BST1: variants seen among roughly 807,000 people sequenced by gnomAD.
BST1 encodes bone marrow stromal cell antigen 1, also known as ADP-ribosyl cyclase/cyclic ADP-ribose hydrolase 2.
A neutral mutation model predicts 40.6 loss-of-function variants in BST1; 49 were observed. That is an observed-to-expected ratio of 1.21 (90% CI 0.96 to 1.53). The LOEUF (loss-of-function observed/expected upper bound fraction) is 1.53. Among genes scored for constraint, BST1 ranks in the 40% most tolerant of loss-of-function variants. The probability of loss-of-function intolerance (pLI) is 0.00; values close to 1 mark genes in which losing one functional copy is unlikely to be tolerated. For synonymous variants in BST1, 157 were observed against 159.3 expected, an observed-to-expected ratio of 0.99 and a Z score of 0.11; for missense variants, 423 against 395.9, an observed-to-expected ratio of 1.07 and a Z score of -0.58.
chr4:15,731,995 A>G lies in BST1; in HGVS notation c.*150A>G. 3 of 1,377,310 alleles carry G rather than the reference A, an allele frequency of 2.2e-6. No individual in the cohort carries two copies. The highest frequency in any genetic ancestry group is 2.8e-6 in the Non-Finnish European group (3 of 1,062,434). The allele number at this position is 1,377,310 out of a possible 1,614,324, so 85.3% of individuals were successfully genotyped here. On this transcript the variant is annotated 3_prime_UTR_variant, in exon 9 of 9. Transcript: ENST00000265016. Reference sequence around the variant, plus strand: ...CCTGAAAATGGTATTTCAATGAGGCATATGTTCAGGATTTCAGAAACAAGA... The same window carrying G: ...CCTGAAAATGGTATTTCAATGAGGCGTATGTTCAGGATTTCAGAAACAAGA...
chr4:15,741,543 G>T (rs1721742641), downstream of BST1, among the ~76,000 whole-genome samples: 1 of 152,156 alleles, frequency 6.6e-6, no homozygotes, highest in African/African-American at 2.4e-5. Flanking sequence ...CTAATTCACA[G>T]CCTTATTGAG....
the BST1 span, among the ~76,000 whole-genome samples, chr4:15,751,886 C>T: frequency 6.6e-6 from 1 of 152,174 alleles, no homozygotes; most frequent in Non-Finnish European, 1.5e-5. Flanking sequence ...TCCAGCACTT[C>T]TCCTTTGTGT....
At chr4:15,729,380 C>T (rs144413408) in intron 8 of BST1, among the ~76,000 whole-genome samples, 177 of 152,204 alleles carry the variant, frequency 1.2e-3, no homozygotes, top group Admixed American at 3.1e-3. Context: ...TCTCTAAACC[C>T]GGGAAGGTCA....
intron 8 of BST1, chr4:15,723,568 C>A: frequency 1.0e-6 from 1 of 985,396 alleles, no homozygotes; most frequent in Non-Finnish European, 1.2e-6. Flanking sequence ...TTTATGTAAT[C>A]CTTTCTGAGT....
At chr4:15,707,080 T>G (rs1428279546) in intron 2 of BST1, among the ~76,000 whole-genome samples, 1 of 152,220 alleles carries the variant, frequency 6.6e-6, no homozygotes, top group African/African-American at 2.4e-5. Flanking sequence ...TGACTGCTTA[T>G]TATCCTGGCC....
the BST1 span, among the ~76,000 whole-genome samples, chr4:15,767,907 C>T: frequency 2.0e-5 from 3 of 152,178 alleles, no homozygotes; most frequent in Non-Finnish European, 4.4e-5. Flanking sequence ...AGGCATAAGC[C>T]ACCATGCTCA....
At chr4:15,740,338 T>C (rs28694525), downstream of BST1, among the ~76,000 whole-genome samples, 5,478 of 152,270 alleles carry the variant, frequency 0.036, 301 homozygotes, top group African/African-American at 0.12. Context: ...ATTATAGGCA[T>C]GAGCCACCAT....
At chr4:15,757,634 TTTTATTTA>T in the BST1 span, among the ~76,000 whole-genome samples, 8 of 152,108 alleles carry the variant, frequency 5.3e-5, no homozygotes, top group South Asian at 6.2e-4. Flanking sequence ...CTTTTAAAAA[TTTTATTTA>T]TTTATTTATT....
chr4:15,731,049 C>G, intron 8 of BST1: 1 of 534,462 alleles, frequency 1.9e-6, no homozygotes. Flanking sequence ...TTTTCTTGAG[C>G]AATGTCACCA....
the BST1 span, among the ~76,000 whole-genome samples, chr4:15,766,618 G>A: frequency 1.3e-5 from 2 of 151,694 alleles, no homozygotes; most frequent in African/African-American, 4.9e-5. Flanking sequence ...TCATGCAGCT[G>A]TCTTACATGA....
At chr4:15,716,560 G>A (rs756337524) in intron 6 of BST1, among the ~76,000 whole-genome samples, 12 of 152,124 alleles carry the variant, frequency 7.9e-5, no homozygotes, top group Admixed American at 2.0e-4. Context: ...CCCTGTGTCC[G>A]TGTTGGCCCC....
the BST1 span, among the ~76,000 whole-genome samples, chr4:15,770,299 A>G: frequency 6.6e-5 from 10 of 152,242 alleles, no homozygotes; most frequent in Middle Eastern, 3.4e-3. Flanking sequence ...GGTGTCCCCA[A>G]ATCTGTTGTT....
intron 4 of BST1, among the ~76,000 whole-genome samples, chr4:15,712,573 C>T (rs1027658462): frequency 2.0e-5 from 3 of 152,142 alleles, no homozygotes; most frequent in African/African-American, 7.2e-5. Context: ...GCCCCTTCCA[C>T]CCACCACCGC....
intron 6 of BST1, among the ~76,000 whole-genome samples, chr4:15,717,144 C>T (rs1187917060): frequency 5.3e-5 from 8 of 152,118 alleles, no homozygotes. Flanking sequence ...GCCTAGATGT[C>T]GTTGCTTACT....
the BST1 span, among the ~76,000 whole-genome samples, chr4:15,762,952 G>A: frequency 2.6e-5 from 4 of 151,876 alleles, no homozygotes; most frequent in African/African-American, 9.7e-5. Context: ...TTCATCCATT[G>A]GTGAATATGA....
Position 15,705,528 on chromosome 4 carries a change from A to G in BST1, c.202A>G (p.Thr68Ala), listed in dbSNP as rs747440886. 6.9e-6 allele frequency: 11 copies of G among 1,591,340 alleles called. No homozygotes were observed. In the South Asian group the frequency reaches 9.2e-5, roughly 13 times the overall value. ...LSPEQRNKNCTAIWEAFKVAL... is the reference protein window; with the variant it reads ...LSPEQRNKNCAAIWEAFKVAL... ...ACTTTTGCACAGGAACAAGAACTGC[A>G]CAGCCATCTGGGAAGCCTTTAAAGT... Residue 68 changes from threonine (T) to alanine (A), a missense_variant, in exon 2 of 9, where the codon ACA becomes GCA. Coordinates refer to ENST00000265016, the MANE Select transcript of BST1 (RefSeq NM_004334.3).
At chr4:15,737,841 G>A (rs967307299) in exon 7 of BST1, 8 of 1,283,090 alleles carry the variant, frequency 6.2e-6, no homozygotes, top group South Asian at 4.9e-5. Context: ...GTCCAAAGAT[G>A]TAAATGCCTT....
downstream of BST1, chr4:15,736,127 A>G (rs936249422): frequency 1.3e-5 from 17 of 1,288,502 alleles, no homozygotes; most frequent in African/African-American, 3.0e-5. Flanking sequence ...TAGCCTTTGT[A>G]CAAGGTAAAT....
chr4:15,703,477 G>C (rs1378934884), intron 1 of BST1, 145 bp downstream of exon 1: 3 of 1,375,068 alleles, frequency 2.2e-6, no homozygotes, highest in African/African-American at 3.0e-5. Context: ...AGACAGCGAT[G>C]GTCCTGAACG....
Sources: gnomAD v4.1 joint callset for allele counts (sites outside exome capture counted in the v4.1 genomes callset) on GRCh38, gnomAD v4.1.1 for gene constraint, MANE v1.5 for transcripts, NCBI Gene and HGNC (gene_info 2026-07-23, HGNC 2026-07-21) for gene names.